Variants in PCDH15 observed in about 807,000 individuals in gnomAD.
The protein encoded by PCDH15 is protocadherin related 15, also known as protocadherin-15.
Under a neutral mutation model 178.5 loss-of-function variants are expected in PCDH15, and 129 were observed. The observed-to-expected ratio is 0.72, with a 90% CI of 0.63 to 0.84. The LOEUF (loss-of-function observed/expected upper bound fraction) is 0.84, where lower values mean the gene tolerates loss of function less well. PCDH15 is among the 40% of genes least tolerant of loss of function. The pLI, the probability that PCDH15 is intolerant of heterozygous loss-of-function variation, is 0.00. For synonymous variants in PCDH15, 800 were observed against 732.0 expected, an observed-to-expected ratio of 1.09 and a Z score of -1.50; for missense variants, 2,230 against 2,099.9, an observed-to-expected ratio of 1.06 and a Z score of -1.21.
chr10:55,034,981 G>A (rs1478466906), intron 2 of PCDH15, among the ~76,000 whole-genome samples: 1 of 152,142 alleles, frequency 6.6e-6, no homozygotes, highest in Non-Finnish European at 1.5e-5. Flanking sequence ...TTTCTCTGGA[G>A]GCATGATCTG....
At chr10:54,837,157 A>G (rs182661131) in intron 3 of PCDH15, among the ~76,000 whole-genome samples, 21 of 152,272 alleles carry the variant, frequency 1.4e-4, no homozygotes, top group African/African-American at 4.8e-4. Context: ...GATTTAAACC[A>G]TCTTGAAAGT....
At chr10:54,749,649 G>T (rs1253205206) in intron 1 of PCDH15, among the ~76,000 whole-genome samples, 2 of 152,054 alleles carry the variant, frequency 1.3e-5, no homozygotes, top group Non-Finnish European at 2.9e-5. Flanking sequence ...ATTGAAAAAA[G>T]AAATACTCCA....
chr10:55,597,986 AAAG>A (rs1842969009), intron 2 of PCDH15, among the ~76,000 whole-genome samples: 1 of 152,090 alleles, frequency 6.6e-6, no homozygotes, highest in South Asian at 2.1e-4. Flanking sequence ...ACCTGGTTCA[AAAG>A]AAGGAGGTAT....
At chr10:55,623,075 C>T (rs1423920591) in intron 2 of PCDH15, among the ~76,000 whole-genome samples, 2 of 151,986 alleles carry the variant, frequency 1.3e-5, no homozygotes, top group Non-Finnish European at 2.9e-5. Context: ...TTGACCTTTC[C>T]GAAGTATCGC....
At chr10:53,810,106 A>G (rs914079161) in intron 37 of PCDH15, among the ~76,000 whole-genome samples, 3 of 150,454 alleles carry the variant, frequency 2.0e-5, no homozygotes, top group African/African-American at 7.3e-5. Context: ...TGCTAATTTA[A>G]ACATAAATTA....
chr10:54,683,279 C>T (rs948229632), intron 1 of PCDH15, among the ~76,000 whole-genome samples: 14 of 151,986 alleles, frequency 9.2e-5, no homozygotes, highest in African/African-American at 3.4e-4. Context: ...CCATCACCAC[C>T]ATCCATCTTC....
At chr10:55,341,795 ATATATATATATTTTTTTTTT>A (rs1315558813) in intron 2 of PCDH15, among the ~76,000 whole-genome samples, 13 of 11,258 alleles carry the variant, frequency 1.2e-3, no homozygotes, top group Admixed American at 7.5e-3. Flanking sequence ...ATATATATAT[ATATATATATATTTTTTTTTT>A]TTTTTTTTTT....
chr10:54,096,133 A>G (rs1168576096), intron 15 of PCDH15, among the ~76,000 whole-genome samples: 1 of 152,064 alleles, frequency 6.6e-6, no homozygotes, highest in Non-Finnish European at 1.5e-5. Flanking sequence ...CATAATTCAT[A>G]TTCTATGCCT....
At chr10:54,123,217 G>C (rs555982199) in intron 15 of PCDH15, among the ~76,000 whole-genome samples, 2 of 151,976 alleles carry the variant, frequency 1.3e-5, no homozygotes, top group Non-Finnish European at 2.9e-5. Flanking sequence ...AGAAACCATC[G>C]ACAGAGTGAA....
At chr10:54,586,642 A>G (rs1249598765) in intron 2 of PCDH15, among the ~76,000 whole-genome samples, 1 of 152,116 alleles carries the variant, frequency 6.6e-6, no homozygotes, top group Non-Finnish European at 1.5e-5. Context: ...TAGCATTCCT[A>G]TTTACAGGTA....
chr10:54,757,023 CAT>C (rs983630143), intron 1 of PCDH15, among the ~76,000 whole-genome samples: 91 of 151,868 alleles, frequency 6.0e-4, no homozygotes, highest in African/African-American at 2.2e-3. Flanking sequence ...ATTGGATTAC[CAT>C]ATGTCTCAAA....
At chr10:54,019,310 G>A (rs1341288475) in intron 20 of PCDH15, among the ~76,000 whole-genome samples, 3 of 151,986 alleles carry the variant, frequency 2.0e-5, no homozygotes, top group Non-Finnish European at 1.5e-5. Context: ...TACTCATTTA[G>A]TAAAGTAACT....
At chr10:55,617,163 T>C (rs1380837664) in intron 2 of PCDH15, among the ~76,000 whole-genome samples, 1 of 152,078 alleles carries the variant, frequency 6.6e-6, no homozygotes, top group Non-Finnish European at 1.5e-5. Context: ...AACAGAACTT[T>C]CTTTTTCTTT....
chr10:53,985,799 A>G (rs1382321917), intron 21 of PCDH15, among the ~76,000 whole-genome samples: 1 of 152,162 alleles, frequency 6.6e-6, no homozygotes, highest in Non-Finnish European at 1.5e-5. Context: ...AATGCAGGGG[A>G]AAAGCACAAA....
At chr10:55,038,334 T>C (rs996087985) in intron 2 of PCDH15, among the ~76,000 whole-genome samples, 3 of 152,208 alleles carry the variant, frequency 2.0e-5, no homozygotes, top group African/African-American at 7.2e-5. Flanking sequence ...ATAATAGATA[T>C]TTAAAGTACA....
chr10:54,452,139 A>T (rs1039908190), intron 3 of PCDH15, among the ~76,000 whole-genome samples: 1 of 151,978 alleles, frequency 6.6e-6, no homozygotes, highest in Non-Finnish European at 1.5e-5. Context: ...AGCAGGTAGA[A>T]AACTCTTTTA....
intron 2 of PCDH15, among the ~76,000 whole-genome samples, chr10:55,503,213 C>T (rs1249479696): frequency 6.6e-6 from 1 of 151,022 alleles, no homozygotes; most frequent in African/African-American, 2.4e-5. Context: ...TTCCTCAATA[C>T]AATTACAAAG....
intron 2 of PCDH15, among the ~76,000 whole-genome samples, chr10:55,138,940 T>C (rs936170727): frequency 6.6e-5 from 10 of 152,152 alleles, no homozygotes; most frequent in African/African-American, 2.4e-4. Context: ...TATGTATTAG[T>C]AATTTGTTAC....
At chr10:55,320,862 A>G (rs796534864), upstream of PCDH15, among the ~76,000 whole-genome samples, 10 of 152,372 alleles carry the variant, frequency 6.6e-5, no homozygotes, top group African/African-American at 2.4e-4. Flanking sequence ...CTAGTAACTC[A>G]AAAAGCCAGA....
Sources: allele counts gnomAD v4.1 joint callset (sites outside exome capture counted in the v4.1 genomes callset), GRCh38; gene constraint gnomAD v4.1.1; transcripts MANE v1.5; gene names NCBI Gene and HGNC (gene_info 2026-07-23, HGNC 2026-07-21).